The following CDHR1 variants were observed in gnomAD, a reference collection of about 807,000 sequenced individuals.
The protein encoded by CDHR1 is cadherin related family member 1.
Under a neutral mutation model 72.1 loss-of-function variants are expected in CDHR1, and 61 were observed. The ratio of observed to expected loss-of-function variants is 0.85; its 90% confidence interval spans 0.69 to 1.05. CDHR1 has a LOEUF of 1.05. Among genes scored for constraint, CDHR1 ranks in the 50% least tolerant of loss-of-function variants. CDHR1 has a pLI of 0.00. For synonymous variants in CDHR1, 470 were observed against 448.1 expected, an observed-to-expected ratio of 1.05 and a Z score of -0.62; for missense variants, 1,186 against 1,115.7, an observed-to-expected ratio of 1.06 and a Z score of -0.90.
chr10:84,213,312 C>A lies in CDHR1; in HGVS notation c.2004C>A (p.Thr668=). Residue 668 remains threonine, a synonymous_variant, in exon 16 of 17, where the codon ACC becomes ACA. Coordinates refer to ENST00000623527, the MANE Select transcript of CDHR1 (RefSeq NM_033100.4). ...ACCGGGGCTCCCCATCCTTCAGCACCACAGCCTTACTCAAGATTGACATCA... is the reference window on the plus strand; with the variant it reads ...ACCGGGGCTCCCCATCCTTCAGCACAACAGCCTTACTCAAGATTGACATCA... ...AKDRGSPSFS[T]TALLKIDITD... is the part of the protein sequence containing the mutation. 1.2e-6 allele frequency: 2 copies of A among 1,614,232 alleles called. No homozygotes were observed. Among genetic ancestry groups the A allele is most frequent in the Non-Finnish European group, 1.7e-6 (2 of 1,180,042 alleles).
chr10:84,199,202 A>G, intron 5 of CDHR1, 81 bp downstream of exon 5: 1 of 1,114,566 alleles, frequency 9.0e-7, no homozygotes, highest in Non-Finnish European at 1.3e-6. Flanking sequence ...TGGCCTGGCC[A>G]TGGCTCACTG....
intron 7 of CDHR1, 109 bp from the exon 8 acceptor site, chr10:84,202,871 A>T: frequency 8.4e-7 from 1 of 1,192,930 alleles, no homozygotes; most frequent in African/African-American, 1.5e-5. Flanking sequence ...CTTGGAGAGG[A>T]CAGCTGGCCT....
rs906183147 is a variant in CDHR1 at position 84,211,023 on chromosome 10, C to T, written c.1343C>T (p.Thr448Ile). 6.2e-7 allele frequency: 1 copy of T among 1,614,216 alleles called. No homozygotes were observed. ...TFKLLAVEVN[T>I]PEKFSSTADV... ...CAGCTCCTGGCTGTTGAAGTGAACACCCCAGAGAAGTTCAGTTCCACAGCG... is the reference window on the plus strand; with the variant it reads ...CAGCTCCTGGCTGTTGAAGTGAACATCCCAGAGAAGTTCAGTTCCACAGCG... The change falls in exon 13 of 17, where the codon ACC becomes ATC. Residue 448 changes from threonine to isoleucine, a missense_variant. By Grantham distance (89) the Thr-to-Ile change is moderately conservative. Coordinates refer to ENST00000623527, the MANE Select transcript of CDHR1 (RefSeq NM_033100.4).
In CDHR1 at chr10:84,217,491, T is replaced by C. The variant is rs182930531; in HGVS notation, c.*2870T>C. 3,122 of 979,358 alleles carry C rather than the reference T, an allele frequency of 3.2e-3. 7 individuals are homozygous for C. The highest frequency in any genetic ancestry group is 3.6e-3 in the Non-Finnish European group (2,993 of 824,350). The allele number at this position is 979,358 out of a possible 1,614,324, so 60.7% of individuals were successfully genotyped here. On this transcript the variant is annotated 3_prime_UTR_variant, in exon 17 of 17. Transcript: ENST00000623527. ...CTGGTTCTGCCATTAATTGTGACTTTGGGCAAGAGGTCAAGTCTCTCTGGG... is the reference window on the plus strand; with the variant it reads ...CTGGTTCTGCCATTAATTGTGACTTCGGGCAAGAGGTCAAGTCTCTCTGGG...
Position 84,217,451 on chromosome 10 carries a change from C to G in CDHR1, c.*2830C>G. 1 of 983,970 alleles carries G rather than the reference C, an allele frequency of 1.0e-6. No homozygotes were observed. Among genetic ancestry groups the G allele is most frequent in the Non-Finnish European group, 1.2e-6 (1 of 828,586 alleles). 61.0% of individuals were successfully genotyped at this position (983,970 alleles called of 1,614,324 possible). On this transcript the variant is annotated 3_prime_UTR_variant, in exon 17 of 17. Transcript: ENST00000623527. ...AACAAAGTCCTTTACAGTTTGACAG[C>G]CCTAGGTCTGAATTCTGGTTCTGCC...
At chr10:84,213,974 G>C in intron 16 of CDHR1, 108 bp from the exon 17 acceptor site, 1 of 1,444,658 alleles carries the variant, frequency 6.9e-7, no homozygotes, top group Admixed American at 1.7e-5. Context: ...AGGGACTCCT[G>C]ACTCCAGAAA....
In CDHR1 at chr10:84,213,085, G is replaced by C. The variant is rs750881799; in HGVS notation, c.1783-6G>C. 7.4e-6 allele frequency: 12 copies of C among 1,614,048 alleles called. No individual in the cohort carries two copies. Among genetic ancestry groups the C allele is most frequent in the Middle Eastern group, 1.6e-4 (1 of 6,084 alleles). ...CCCAGCTCTGTCTGTCTCTCCCTGC[G>C]CACAGGCCATAGACGAGGATGCAGA... is the stretch of plus-strand genomic sequence containing the variant. On this transcript the variant is annotated splice_region_variant and splice_polypyrimidine_tract_variant and intron_variant, in intron 15 of 16. Transcript: ENST00000623527.
intron 3 of CDHR1, 69 bp downstream of exon 3, chr10:84,196,719 C>G: frequency 6.4e-7 from 1 of 1,574,174 alleles, no homozygotes; most frequent in Non-Finnish European, 8.7e-7. Context: ...CTGAAGTTCC[C>G]CTGGAGCACA....
intron 10 of CDHR1, among the ~76,000 whole-genome samples, chr10:84,206,524 T>A (rs1342357758): frequency 6.6e-6 from 1 of 152,222 alleles, no homozygotes; most frequent in Non-Finnish European, 1.5e-5. Flanking sequence ...TATTTTTATT[T>A]TTCGCTGGGC....
At position 84,216,440 on chromosome 10, in the gene CDHR1, C is replaced by T. The variant is rs750723702; in HGVS notation, c.*1819C>T. ...AGAGGACTGTGCTGGATCATGCTTG[C>T]CCTCCACAGGGAATACAGCATCCTT... On this transcript the variant is annotated 3_prime_UTR_variant, in exon 17 of 17. Coordinates refer to ENST00000623527, the MANE Select transcript of CDHR1 (RefSeq NM_033100.4). 95 of 985,390 alleles carry T rather than the reference C, an allele frequency of 9.6e-5. No individual in the cohort carries two copies. Among genetic ancestry groups the T allele is most frequent in the Non-Finnish European group, 1.1e-4 (92 of 829,952 alleles). The allele number at this position is 985,390 out of a possible 1,614,324, so 61.0% of individuals were successfully genotyped here. A position where few individuals can be genotyped will look rare whatever the true frequency, so the allele number is the denominator to read the frequency against.
intron 8 of CDHR1, 119 bp downstream of exon 8, chr10:84,203,242 A>C: frequency 7.5e-7 from 1 of 1,328,094 alleles, no homozygotes; most frequent in Admixed American, 1.7e-5. Context: ...CTCCTCACAC[A>C]GAGGCCAGCT....
chr10:84,199,618 C>T (rs1276891459), intron 5 of CDHR1, among the ~76,000 whole-genome samples: 1 of 152,104 alleles, frequency 6.6e-6, no homozygotes, highest in South Asian at 2.1e-4. Context: ...AGAATCATTG[C>T]CTGATGTTTG....
chr10:84,203,679 G>T (rs993221540), intron 8 of CDHR1, among the ~76,000 whole-genome samples: 4 of 152,220 alleles, frequency 2.6e-5, no homozygotes, highest in African/African-American at 9.6e-5. Context: ...GCCTCCGAAA[G>T]TGCTGAGATT....
chr10:84,196,789 C>A, intron 3 of CDHR1, 139 bp downstream of exon 3: 1 of 967,226 alleles, frequency 1.0e-6, no homozygotes, highest in Non-Finnish European at 1.6e-6. Flanking sequence ...CACATCCACT[C>A]TGTGAGATCT....
chr10:84,214,292 A>G lies in CDHR1; in HGVS notation c.2251A>G (p.Ile751Val). 6.2e-7 allele frequency: 1 copy of G among 1,614,026 alleles called. No individual in the cohort carries two copies. Among genetic ancestry groups the G allele is most frequent in the Admixed American group, 1.7e-5 (1 of 60,030 alleles). The stretch of plus-strand genomic sequence containing the variant: ...GCGGCCCAGCCCTGCGCCCCGCACC[A>G]TCCGCATTGAGTGGCTCAAGTCCAA... ...RKRPSPAPRT[I>V]RIEWLKSKST... is the part of the protein sequence containing the mutation. The change falls in exon 17 of 17, where the codon ATC becomes GTC. Residue 751 changes from isoleucine to valine, a missense_variant. By Grantham distance (29) the Ile-to-Val change is conservative (BLOSUM62 3). Transcript: ENST00000623527.
At chr10:84,213,387 G>C in intron 16 of CDHR1, 39 bp downstream of exon 16, 2 of 1,613,672 alleles carry the variant, frequency 1.2e-6, no homozygotes, top group Middle Eastern at 1.7e-4. Context: ...GGGGTCAGCA[G>C]GCCAGCTCAG....
intron 5 of CDHR1, among the ~76,000 whole-genome samples, chr10:84,200,238 G>A (rs1026348952): frequency 3.9e-5 from 6 of 152,014 alleles, no homozygotes; most frequent in African/African-American, 1.4e-4. Context: ...CTAAAATGTA[G>A]GTATATGGTC....
chr10:84,214,461 C>G lies in CDHR1; in HGVS notation c.2420C>G (p.Ala807Gly). 5 of 1,611,452 alleles carry G rather than the reference C, an allele frequency of 3.1e-6. No homozygotes were observed. Among genetic ancestry groups the G allele is most frequent in the Non-Finnish European group, 4.2e-6 (5 of 1,179,872 alleles). ...AGCGTGGCGCCCAGCACTGGCGCAG[C>G]CCAGTGGACCGTGCCTACTGTCTCT... ...PPSVAPSTGA[A>G]QWTVPTVSGS... The change falls in exon 17 of 17, where the codon GCC becomes GGC. Residue 807 changes from alanine to glycine, a missense_variant. Coordinates refer to ENST00000623527, the MANE Select transcript of CDHR1 (RefSeq NM_033100.4).
Position 84,201,913 on chromosome 10 carries a change from T to C in CDHR1, c.632T>C (p.Val211Ala), listed in dbSNP as rs759864852. Residue 211 changes from valine (V) to alanine (A), a missense_variant, in exon 7 of 17, where the codon GTC becomes GCC. By Grantham distance (64) the Val-to-Ala change is moderately conservative. Coordinates refer to ENST00000623527, the MANE Select transcript of CDHR1 (RefSeq NM_033100.4). ...TCCCGGACCCACTACATCACCGTGG[T>C]CGCCAAGGTAACACAGCAGGACAGG... ...ERSRTHYITV[V>A]AKDGGGRLHG... 1 of 1,604,136 alleles carries C rather than the reference T, an allele frequency of 6.2e-7. No individual in the cohort carries two copies. Among genetic ancestry groups the C allele is most frequent in the East Asian group, 2.2e-5 (1 of 44,868 alleles).
Sources: allele counts gnomAD v4.1 joint callset (sites outside exome capture counted in the v4.1 genomes callset), GRCh38; gene constraint gnomAD v4.1.1; transcripts MANE v1.5; gene names NCBI Gene and HGNC (gene_info 2026-07-23, HGNC 2026-07-21).